Variants in PPP1R16B observed in about 807,000 individuals in gnomAD.
PPP1R16B encodes protein phosphatase 1 regulatory subunit 16B, also known as protein phosphatase 1 regulatory inhibitor subunit 16B.
A neutral mutation model predicts 61.7 loss-of-function variants in PPP1R16B; 14 were observed. The observed-to-expected ratio is 0.23, with a 90% CI of 0.15 to 0.35. The LOEUF is 0.35. Among genes scored for constraint, PPP1R16B ranks in the 10% least tolerant of loss-of-function variants. PPP1R16B has a pLI of 1.00. For synonymous variants in PPP1R16B, 266 were observed against 305.3 expected, an observed-to-expected ratio of 0.87 and a Z score of 1.34; for missense variants, 547 against 752.5, an observed-to-expected ratio of 0.73 and a Z score of 3.19.
intron 2 of PPP1R16B, among the ~76,000 whole-genome samples, chr20:38,885,811 C>T (rs1031279072): frequency 3.4e-4 from 52 of 152,246 alleles, no homozygotes; most frequent in African/African-American, 1.1e-3. Flanking sequence ...AGTCTTGCTC[C>T]GTCGCCCAGG....
intron 2 of PPP1R16B, among the ~76,000 whole-genome samples, chr20:38,880,304 A>G (rs2085195682): frequency 6.6e-6 from 1 of 152,262 alleles, no homozygotes; most frequent in Non-Finnish European, 1.5e-5. Flanking sequence ...GAGGCTTTGC[A>G]GAATAAATGA....
intron 4 of PPP1R16B, among the ~76,000 whole-genome samples, chr20:38,896,329 T>G (rs2085349276): frequency 6.6e-6 from 1 of 151,180 alleles, no homozygotes; most frequent in South Asian, 2.1e-4. Flanking sequence ...TTTTCTCTTT[T>G]TTTCTCTCTC....
At chr20:38,881,477 G>T (rs1232070292) in intron 2 of PPP1R16B, among the ~76,000 whole-genome samples, 1 of 152,222 alleles carries the variant, frequency 6.6e-6, no homozygotes, top group African/African-American at 2.4e-5. Flanking sequence ...ATAAGTCAGT[G>T]CGGACTGGGC....
At chr20:38,811,947 T>G (rs529368186) in intron 1 of PPP1R16B, among the ~76,000 whole-genome samples, 14 of 152,192 alleles carry the variant, frequency 9.2e-5, no homozygotes, top group Non-Finnish European at 2.1e-4. Flanking sequence ...TGTCTCCAGT[T>G]GGCCAGCGTG....
chr20:38,881,375 G>C (rs554345660), intron 2 of PPP1R16B, among the ~76,000 whole-genome samples: 1 of 152,392 alleles, frequency 6.6e-6, no homozygotes, highest in South Asian at 2.1e-4. Context: ...GAGGAGAGCA[G>C]AGGGGCTGCT....
At chr20:38,855,931 TATATATATATATAGAG>T (rs1311547022) in intron 2 of PPP1R16B, among the ~76,000 whole-genome samples, 28 of 52,708 alleles carry the variant, frequency 5.3e-4, no homozygotes, top group Admixed American at 1.9e-3. Flanking sequence ...TATATATATA[TATATATATATATAGAG>T]AGAGAGAGAG....
At chr20:38,858,446 G>A (rs1230685954) in intron 2 of PPP1R16B, among the ~76,000 whole-genome samples, 4 of 152,128 alleles carry the variant, frequency 2.6e-5, no homozygotes, top group Non-Finnish European at 5.9e-5. Context: ...AAGAGCTATG[G>A]GGTCTTCAGA....
chr20:38,884,992 G>A (rs368415349), intron 2 of PPP1R16B, among the ~76,000 whole-genome samples: 2 of 131,924 alleles, frequency 1.5e-5, no homozygotes. Flanking sequence ...AGCCGAGATC[G>A]CACCACTGCA....
At chr20:38,892,447 C>A (rs2085299441) in intron 3 of PPP1R16B, among the ~76,000 whole-genome samples, 1 of 152,132 alleles carries the variant, frequency 6.6e-6, no homozygotes, top group Non-Finnish European at 1.5e-5. Flanking sequence ...GTGCCTTGGG[C>A]CCCATGTTGG....
At chr20:38,839,550 G>A (rs1329995927) in intron 2 of PPP1R16B, among the ~76,000 whole-genome samples, 1 of 151,950 alleles carries the variant, frequency 6.6e-6, no homozygotes, top group African/African-American at 2.4e-5. Context: ...ACTGTTGTTA[G>A]TTTGATGTTT....
In PPP1R16B at chr20:38,907,713, T is replaced by C; in HGVS notation, c.899-93T>C. 6.8e-7 allele frequency: 1 copy of C among 1,473,708 alleles called. No homozygotes were observed. Among genetic ancestry groups the C allele is most frequent in the South Asian group, 1.3e-5 (1 of 79,426 alleles). The allele number at this position is 1,473,708 out of a possible 1,614,324, so 91.3% of individuals were successfully genotyped here. A position where few individuals can be genotyped will look rare whatever the true frequency, so the allele number is the denominator to read the frequency against. On this transcript the variant is annotated intron_variant, in intron 8 of 10. Transcript: ENST00000299824. The surrounding 1 kb of genome is among the most constrained non-coding windows in gnomAD (Gnocchi z 4.5). ...CCTGAAAGATGCTTGGAGTTTTCAGTGGGTTGGGGTGGCAGCTCCTCTGGT... is the reference window on the plus strand; with the variant it reads ...CCTGAAAGATGCTTGGAGTTTTCAGCGGGTTGGGGTGGCAGCTCCTCTGGT...
In PPP1R16B at chr20:38,863,878, CT is replaced by C. The variant is rs574765912; in HGVS notation, c.251-25715del. Among the ~76,000 whole-genome samples, 18 of 152,350 alleles carry C rather than the reference CT, an allele frequency of 1.2e-4. No homozygotes were observed. In the South Asian group the frequency reaches 3.5e-3, roughly 30 times the overall value. On this transcript the variant is annotated intron_variant, in intron 2 of 10. Transcript: ENST00000299824. ...GAAATGACATAAGTCTACATAAACA[CT>C]TGTCTACAAATGTTCATAGCCACAT...
intron 1 of PPP1R16B, among the ~76,000 whole-genome samples, chr20:38,819,912 C>G (rs370354899): frequency 2.6e-5 from 4 of 152,134 alleles, no homozygotes; most frequent in African/African-American, 9.7e-5. Flanking sequence ...GGAGTGCTAC[C>G]AGCACTCCAG....
At chr20:38,836,443 C>T (rs1031341285) in intron 2 of PPP1R16B, among the ~76,000 whole-genome samples, 1 of 152,192 alleles carries the variant, frequency 6.6e-6, no homozygotes, top group Admixed American at 6.5e-5. Flanking sequence ...CCTCTGCCAC[C>T]CAGGCTCAAG....
intron 2 of PPP1R16B, among the ~76,000 whole-genome samples, chr20:38,865,409 C>G (rs534053337): frequency 6.6e-6 from 1 of 152,146 alleles, no homozygotes; most frequent in Non-Finnish European, 1.5e-5. Flanking sequence ...CCTGCCTCAG[C>G]CTTCCGAGTA....
chr20:38,918,803 C>CTGAGGG lies in PPP1R16B; in HGVS notation c.*137_*138insTGAGGG. 2 of 1,090,310 alleles carry CTGAGGG rather than the reference C, an allele frequency of 1.8e-6. No individual in the cohort carries two copies. The highest frequency in any genetic ancestry group is 2.4e-6 in the Non-Finnish European group (2 of 823,010). The allele number at this position is 1,090,310 out of a possible 1,614,324, so 67.5% of individuals were successfully genotyped here. On this transcript the variant is annotated 3_prime_UTR_variant, in exon 11 of 11. Coordinates refer to ENST00000299824, the MANE Select transcript of PPP1R16B (RefSeq NM_015568.4). The surrounding 1 kb of genome is among the most constrained non-coding windows in gnomAD (Gnocchi z 5.3). ...CTTTTCAGAGGAACTCAGACCCCAG[C>CTGAGGG]CCTCAGCTGGCTGCCCATAGCATCC...
chr20:38,812,282 A>C (rs1297249020), intron 1 of PPP1R16B, among the ~76,000 whole-genome samples: 1 of 152,194 alleles, frequency 6.6e-6, no homozygotes, highest in Non-Finnish European at 1.5e-5. Flanking sequence ...GGGGCAGAGG[A>C]GCATAGGTGC....
rs141002353 is a variant in PPP1R16B at position 38,898,484 on chromosome 20, A to G, written c.468-2097A>G. On this transcript the variant is annotated intron_variant, in intron 4 of 10. Coordinates refer to ENST00000299824, the MANE Select transcript of PPP1R16B (RefSeq NM_015568.4). The stretch of plus-strand genomic sequence containing the variant: ...CTATTCAGGTTCCTTGAGATTCCCT[A>G]TGAATTTTAGAGTAAGCTATTCTAG... 3.7e-3 allele frequency among the ~76,000 whole-genome samples: 570 copies of G among 152,224 alleles called. 3 individuals are homozygous for G. Among genetic ancestry groups the G allele is most frequent in the African/African-American group, 0.013 (540 of 41,518 alleles).
chr20:38,842,484 A>C (rs2084914418), intron 2 of PPP1R16B, among the ~76,000 whole-genome samples: 1 of 152,188 alleles, frequency 6.6e-6, no homozygotes, highest in South Asian at 2.1e-4. Flanking sequence ...AAAATGTTTG[A>C]GTGATTCTTC....
Sources: gnomAD v4.1 joint callset for allele counts (sites outside exome capture counted in the v4.1 genomes callset) on GRCh38, gnomAD v4.1.1 for gene constraint, Gnocchi (gnomAD v3.1) non-coding constraint, MANE v1.5 for transcripts, NCBI Gene and HGNC (gene_info 2026-07-23, HGNC 2026-07-21) for gene names.